Variants in GNB4 observed in about 807,000 individuals in gnomAD.
GNB4 encodes G protein subunit beta 4, also known as guanine nucleotide-binding protein subunit beta-4.
In GNB4, 28 loss-of-function variants were observed where a neutral mutation model predicts 45.2. The ratio of observed to expected loss-of-function variants is 0.62; its 90% CI spans 0.46 to 0.85. The LOEUF (loss-of-function observed/expected upper bound fraction) is 0.85. GNB4 is among the 40% of genes least tolerant of loss of function. The pLI is 0.00. For missense variants in GNB4, 321 were observed against 425.4 expected (o/e 0.75, Z 2.16); for synonymous variants, 132 against 143.7 (o/e 0.92, Z 0.58).
In GNB4 at chr3:179,413,402, A is replaced by C. The variant is rs1433602623; in HGVS notation, c.699+10T>G. 1 of 1,601,774 alleles carries C rather than the reference A, an allele frequency of 6.2e-7. No homozygotes were observed. Among genetic ancestry groups the C allele is most frequent in the East Asian group, 2.2e-5 (1 of 44,830 alleles). The stretch of plus-strand genomic sequence containing the variant: ...ATAATAAATTTTCTCTAGAAATGCT[A>C]TTCACTTACACTGACAGCATTGATA... On this transcript the variant is annotated intron_variant, in intron 8 of 9. Coordinates refer to ENST00000232564, the MANE Select transcript of GNB4 (RefSeq NM_021629.4).
chr3:179,464,490 A>G, the GNB4 span: 1 of 1,611,506 alleles, frequency 6.2e-7, no homozygotes, highest in African/African-American at 1.3e-5. Context: ...GGCCCAGCAG[A>G]TCAAGCAGGA....
chr3:179,522,218 A>G, the GNB4 span, among the ~76,000 whole-genome samples: 437 of 152,178 alleles, frequency 2.9e-3, 2 homozygotes, highest in Non-Finnish European at 3.5e-3. Flanking sequence ...GCCTTAACTG[A>G]TGACATTACC....
intron 2 of GNB4, among the ~76,000 whole-genome samples, chr3:179,425,332 C>T (rs1259095146): frequency 6.6e-6 from 1 of 152,212 alleles, no homozygotes; most frequent in Non-Finnish European, 1.5e-5. Context: ...GGCAACTCCT[C>T]TCCATCCATT....
At chr3:179,505,196 G>A in the GNB4 span, among the ~76,000 whole-genome samples, 3 of 152,258 alleles carry the variant, frequency 2.0e-5, no homozygotes, top group South Asian at 6.2e-4. Context: ...GCAACTGGAG[G>A]AAGATGTAGA....
At chr3:179,498,754 T>TTTTG in the GNB4 span, among the ~76,000 whole-genome samples, 1 of 139,308 alleles carries the variant, frequency 7.2e-6, no homozygotes, top group South Asian at 2.6e-4. Flanking sequence ...GTTTGGTTTT[T>TTTTG]TTTTTTTTTT....
chr3:179,422,918 G>A lies in GNB4; in HGVS notation c.58-1991C>T, dbSNP rs541346123. 7.2e-5 allele frequency among the ~76,000 whole-genome samples: 11 copies of A among 151,998 alleles called. No homozygotes were observed. In the East Asian group the frequency reaches 1.6e-3, roughly 21 times the overall value. On this transcript the variant is annotated intron_variant, in intron 2 of 9. Transcript: ENST00000232564. ...TGCCATTCTCCTGCCTCAGCCTCCC[G>A]AGTAGCTGGGACTATAGGTACCCAC...
At chr3:179,502,964 C>G in the GNB4 span, among the ~76,000 whole-genome samples, 1 of 152,212 alleles carries the variant, frequency 6.6e-6, no homozygotes, top group Non-Finnish European at 1.5e-5. Flanking sequence ...TTCAGCCTCC[C>G]AAGTAGCTAG....
the GNB4 span, among the ~76,000 whole-genome samples, chr3:179,483,473 T>A: frequency 2.0e-5 from 3 of 152,248 alleles, no homozygotes; most frequent in East Asian, 5.8e-4. Flanking sequence ...AATATAGTTA[T>A]TATAGCTGAG....
In GNB4 at chr3:179,396,681, CAT is replaced by C. The variant is rs1489104163; in HGVS notation, c.*4530_*4531del. Reference sequence around the variant, plus strand: ...CAGCAACTGGATTTAAGAAAGAAGACATAGGAGATTTTATCAACATGCAAACA... The same window carrying C: ...CAGCAACTGGATTTAAGAAAGAAGACAGGAGATTTTATCAACATGCAAACA... On this transcript the variant is annotated 3_prime_UTR_variant, in exon 10 of 10. Coordinates refer to ENST00000232564, the MANE Select transcript of GNB4 (RefSeq NM_021629.4). 1 of 152,114 alleles carries C rather than the reference CAT, an allele frequency of 6.6e-6. No individual in the cohort carries two copies. Among genetic ancestry groups the C allele is most frequent in the Non-Finnish European group, 1.5e-5 (1 of 68,008 alleles). The allele number at this position is 152,114 out of a possible 1,614,324, so 9.4% of individuals were successfully genotyped here.
the GNB4 span, among the ~76,000 whole-genome samples, chr3:179,487,867 T>C: frequency 6.6e-6 from 1 of 152,016 alleles, no homozygotes; most frequent in Non-Finnish European, 1.5e-5. Flanking sequence ...CTGCCCAACA[T>C]GGTGAAACCC....
At chr3:179,426,036 A>G (rs1212511358) in intron 2 of GNB4, 108 bp downstream of exon 2, 2 of 828,540 alleles carry the variant, frequency 2.4e-6, no homozygotes, top group East Asian at 2.7e-5. Flanking sequence ...AAAAAAGACC[A>G]TTTCTAGCCT....
chr3:179,457,381 CT>C, the GNB4 span, among the ~76,000 whole-genome samples: 1 of 152,134 alleles, frequency 6.6e-6, no homozygotes, highest in Admixed American at 6.6e-5. Context: ...TGGTTTTCCC[CT>C]TTGTATAATT....
chr3:179,513,821 A>G, the GNB4 span, among the ~76,000 whole-genome samples: 11 of 152,322 alleles, frequency 7.2e-5, no homozygotes, highest in African/African-American at 2.6e-4. Flanking sequence ...GATACATATC[A>G]TAAAATTAAA....
At chr3:179,468,035 A>AAAAAAAAATATATATAT in the GNB4 span, among the ~76,000 whole-genome samples, 41 of 89,856 alleles carry the variant, frequency 4.6e-4, 4 homozygotes, top group African/African-American at 1.1e-3. Flanking sequence ...TGTTGATAAA[A>AAAAAAAAATATATATAT]ATATATATAT....
At chr3:179,405,478 C>T in intron 8 of GNB4, 72 bp from the exon 9 acceptor site, 2 of 1,059,132 alleles carry the variant, frequency 1.9e-6, no homozygotes, top group Middle Eastern at 2.1e-4. Context: ...TAATAATAGA[C>T]AAATCTAGAT....
At chr3:179,415,995 G>A (rs1023826968) in intron 5 of GNB4, among the ~76,000 whole-genome samples, 2 of 151,910 alleles carry the variant, frequency 1.3e-5, no homozygotes, top group Non-Finnish European at 2.9e-5. Context: ...TTAAACTGGG[G>A]ATTCCTTCCA....
the GNB4 span, chr3:179,464,336 G>A: frequency 1.7e-5 from 12 of 708,704 alleles, no homozygotes; most frequent in Non-Finnish European, 2.3e-5. Context: ...CGCAGTCACC[G>A]GCACAGGCTA....
chr3:179,412,427 A>C (rs1435034503), intron 8 of GNB4, among the ~76,000 whole-genome samples: 1 of 152,026 alleles, frequency 6.6e-6, no homozygotes, highest in Non-Finnish European at 1.5e-5. Context: ...GCTGTGAGCT[A>C]TGATCATGCC....
the GNB4 span, among the ~76,000 whole-genome samples, chr3:179,459,659 G>A: frequency 6.7e-6 from 1 of 149,798 alleles, no homozygotes. Context: ...TCCAGCCTGG[G>A]CAACAAGAGT....
Sources: gnomAD v4.1 joint callset for allele counts (sites outside exome capture counted in the v4.1 genomes callset) on GRCh38, gnomAD v4.1.1 for gene constraint, MANE v1.5 for transcripts, NCBI Gene and HGNC (gene_info 2026-07-23, HGNC 2026-07-21) for gene names.